Variants in IL1RAPL1 observed in about 807,000 individuals in gnomAD.
IL1RAPL1 encodes interleukin-1 receptor accessory protein-like 1.
IL1RAPL1 carries 3 observed loss-of-function variants against 48.4 expected under a neutral mutation model. The observed-to-expected ratio is 0.06, with a 90% CI of 0.03 to 0.16. The LOEUF (loss-of-function observed/expected upper bound fraction) is 0.16. Among genes scored for constraint, IL1RAPL1 ranks in the 10% least tolerant of loss-of-function variants. The pLI is 1.00. For synonymous variants in IL1RAPL1, 185 were observed against 187.7 expected (o/e 0.99, Z 0.12); for missense variants, 349 against 530.6 (o/e 0.66, Z 3.36).
intron 1 of IL1RAPL1, among the ~76,000 whole-genome samples, chrX:28,633,150 A>C (rs752179573): frequency 8.1e-5 from 9 of 111,319 alleles, no homozygotes; most frequent in Non-Finnish European, 1.5e-4. Context: ...TGACCTCTCA[A>C]AGTGCTGGGA....
intron 3 of IL1RAPL1, chrX:29,369,519 A>G (rs772318483): frequency 3.6e-5 from 4 of 111,447 alleles, no homozygotes; most frequent in African/African-American, 1.3e-4. Context: ...GGCCCACTAC[A>G]TTGATGACTA....
In IL1RAPL1 at chrX:29,868,273, A is replaced by T. The variant is rs138175274; in HGVS notation, c.779-49191A>T. Among the ~76,000 whole-genome samples, 618 of 112,424 alleles carry T rather than the reference A, an allele frequency of 5.5e-3. 5 individuals carry two copies. Among genetic ancestry groups the T allele is most frequent in the African/African-American group, 0.019 (591 of 30,964 alleles). ...TCATGAAAAGGCAACATAATCTCCA[A>T]TTCTCGACGTTAAGCGTCTTTTAAC... On this transcript the variant is annotated intron_variant, in intron 6 of 10. Coordinates refer to ENST00000378993, the MANE Select transcript of IL1RAPL1 (RefSeq NM_014271.4).
chrX:29,826,673 T>C (rs1434606956), intron 6 of IL1RAPL1, among the ~76,000 whole-genome samples: 2 of 111,936 alleles, frequency 1.8e-5, no homozygotes, highest in Non-Finnish European at 3.8e-5. Context: ...TCACTTAGCA[T>C]AAGGTTTTCA....
intron 2 of IL1RAPL1, among the ~76,000 whole-genome samples, chrX:29,161,459 T>A (rs1204805524): frequency 8.9e-6 from 1 of 112,402 alleles, no homozygotes; most frequent in African/African-American, 3.2e-5. Flanking sequence ...TAGGAATAGA[T>A]GTTTCCTACT....
chrX:29,512,457 C>T (rs1258909107), intron 5 of IL1RAPL1, among the ~76,000 whole-genome samples: 1 of 111,776 alleles, frequency 8.9e-6, no homozygotes, highest in Admixed American at 9.5e-5. Flanking sequence ...ATGAATCATA[C>T]TCTCAACATA....
intron 2 of IL1RAPL1, among the ~76,000 whole-genome samples, chrX:29,136,091 A>G (rs1398351700): frequency 9.3e-6 from 1 of 107,814 alleles, no homozygotes; most frequent in Non-Finnish European, 1.9e-5. Flanking sequence ...GTCACTGCAT[A>G]GTCATATAGC....
chrX:29,643,934 A>T (rs764285252), intron 5 of IL1RAPL1, among the ~76,000 whole-genome samples: 1 of 112,165 alleles, frequency 8.9e-6, no homozygotes, highest in East Asian at 2.8e-4. Flanking sequence ...TAGGTATTTC[A>T]CTTAAACGTC....
At chrX:29,930,649 G>A (rs886980068) in intron 8 of IL1RAPL1, among the ~76,000 whole-genome samples, 1 of 111,663 alleles carries the variant, frequency 9.0e-6, no homozygotes, top group Non-Finnish European at 1.9e-5. Flanking sequence ...GAAGAAAAGT[G>A]AGAAAATAAA....
At chrX:29,223,699 C>T (rs1056847024) in intron 2 of IL1RAPL1, among the ~76,000 whole-genome samples, 8 of 108,882 alleles carry the variant, frequency 7.3e-5, no homozygotes, top group Non-Finnish European at 1.1e-4. Context: ...TGCATGCCAC[C>T]GCACCCGGCT....
At chrX:28,993,215 G>A (rs1279073253) in intron 2 of IL1RAPL1, among the ~76,000 whole-genome samples, 1 of 112,189 alleles carries the variant, frequency 8.9e-6, no homozygotes, top group Non-Finnish European at 1.9e-5. Context: ...AAAGAAATGA[G>A]CAATTATACA....
chrX:29,587,616 CAT>C (rs1301916409), intron 5 of IL1RAPL1, among the ~76,000 whole-genome samples: 1 of 111,715 alleles, frequency 9.0e-6, no homozygotes, highest in Non-Finnish European at 1.9e-5. Flanking sequence ...TTCAAAACAT[CAT>C]GTTATAACTA....
intron 3 of IL1RAPL1, among the ~76,000 whole-genome samples, chrX:29,371,859 GAT>G: frequency 1.8e-5 from 2 of 112,081 alleles, no homozygotes; most frequent in Non-Finnish European, 3.8e-5. Context: ...CACCTAAGTT[GAT>G]TCCATGTCTT....
chrX:29,350,261 C>CCA (rs1258049758), intron 3 of IL1RAPL1, among the ~76,000 whole-genome samples: 3 of 84,254 alleles, frequency 3.6e-5, no homozygotes, highest in African/African-American at 1.6e-4. Context: ...CACCCCCCCC[C>CCA]CCACCTGGCT....
intron 2 of IL1RAPL1, among the ~76,000 whole-genome samples, chrX:29,149,452 T>A (rs7884527): frequency 0.012 from 1,309 of 111,695 alleles, 17 homozygotes; most frequent in African/African-American, 0.04. Flanking sequence ...AACTACTCTA[T>A]CACTCATTGT....
At chrX:29,831,567 A>C (rs1930877199) in intron 6 of IL1RAPL1, among the ~76,000 whole-genome samples, 2 of 112,207 alleles carry the variant, frequency 1.8e-5, no homozygotes, top group Non-Finnish European at 3.8e-5. Context: ...TGTTGTGCTA[A>C]GAAATTTGGG....
At chrX:29,533,413 C>T (rs1921110940) in intron 5 of IL1RAPL1, among the ~76,000 whole-genome samples, 1 of 112,109 alleles carries the variant, frequency 8.9e-6, no homozygotes, top group Non-Finnish European at 1.9e-5. Flanking sequence ...GCAGGGTCAT[C>T]CATTGATTGT....
At chrX:29,387,551 A>C (rs1490673309) in intron 3 of IL1RAPL1, among the ~76,000 whole-genome samples, 33 of 112,349 alleles carry the variant, frequency 2.9e-4, no homozygotes, top group Admixed American at 2.9e-3. Context: ...TATGGTTAGA[A>C]GAAGGCCTGT....
Position 29,892,206 on chromosome X carries a change from TTATGA to T in IL1RAPL1, c.779-25255_779-25251del, listed in dbSNP as rs1932286248. ...CTTTTTCAATGTTAAGAAGAATATG[TTATGA>T]TAAGAGGTTCCTAAAGAAAGCATTT... is the stretch of plus-strand genomic sequence containing the variant. On this transcript the variant is annotated intron_variant, in intron 6 of 10. Transcript: ENST00000378993. 3.6e-5 allele frequency among the ~76,000 whole-genome samples: 4 copies of T among 112,384 alleles called. No individual in the cohort carries two copies. In the South Asian group the frequency reaches 1.5e-3, roughly 41 times the overall value.
At chrX:29,549,451 G>T (rs904057470) in intron 5 of IL1RAPL1, among the ~76,000 whole-genome samples, 1 of 111,115 alleles carries the variant, frequency 9.0e-6, no homozygotes, top group African/African-American at 3.3e-5. Flanking sequence ...TTTATTATTA[G>T]TTATCGTTGT....
Sources: gnomAD v4.1 joint callset for allele counts (sites outside exome capture counted in the v4.1 genomes callset) on GRCh38, gnomAD v4.1.1 for gene constraint, MANE v1.5 for transcripts, NCBI Gene and HGNC (gene_info 2026-07-23, HGNC 2026-07-21) for gene names.